The following CAMTA1 variants were observed in gnomAD, a reference collection of about 807,000 sequenced individuals.
CAMTA1 encodes calmodulin binding transcription activator 1.
Under a neutral mutation model 170.9 loss-of-function variants are expected in CAMTA1, and 27 were observed. That is an observed-to-expected ratio of 0.16 (90% CI 0.12 to 0.22). CAMTA1 has a LOEUF of 0.22. Ranked by LOEUF, CAMTA1 falls within the 10% of genes least tolerant of loss-of-function variation. The probability of loss-of-function intolerance (pLI) is 1.00; values close to 1 mark genes in which losing one functional copy is unlikely to be tolerated. For missense variants in CAMTA1, 1,619 were observed against 2,217.2 expected, an observed-to-expected ratio of 0.73 and a Z score of 5.42; for synonymous variants, 833 against 891.5, an observed-to-expected ratio of 0.93 and a Z score of 1.17.
At chr1:7,606,407 T>C (rs2095487155) in intron 6 of CAMTA1, among the ~76,000 whole-genome samples, 1 of 152,214 alleles carries the variant, frequency 6.6e-6, no homozygotes, top group South Asian at 2.1e-4. Flanking sequence ...TCAATTCTCG[T>C]GCTTTTATCT....
intron 3 of CAMTA1, among the ~76,000 whole-genome samples, chr1:6,882,919 TCTTTG>T (rs537904141): frequency 2.0e-5 from 3 of 152,058 alleles, no homozygotes; most frequent in Non-Finnish European, 4.4e-5. Context: ...TGCATGTTTC[TCTTTG>T]CTTTGCTTTG....
At chr1:7,640,244 A>G (rs1174409872) in intron 6 of CAMTA1, among the ~76,000 whole-genome samples, 156 bp from the exon 7 acceptor site, 2 of 152,228 alleles carry the variant, frequency 1.3e-5, no homozygotes, top group African/African-American at 4.8e-5. Context: ...AGCCCCCACC[A>G]CAGAACCATC....
At chr1:6,881,618 C>T (rs1053299035) in intron 3 of CAMTA1, among the ~76,000 whole-genome samples, 3 of 151,860 alleles carry the variant, frequency 2.0e-5, no homozygotes, top group African/African-American at 4.8e-5. Context: ...TTGGTTTTGC[C>T]GAAAGAGAAG....
intron 5 of CAMTA1, among the ~76,000 whole-genome samples, chr1:7,357,288 C>T (rs2149943728): frequency 6.6e-6 from 1 of 152,360 alleles, no homozygotes; most frequent in African/African-American, 2.4e-5. Context: ...GCCAAGAGCC[C>T]AGGACCCAAC....
intron 11 of CAMTA1, among the ~76,000 whole-genome samples, chr1:7,703,249 G>A (rs193268355): frequency 3.9e-5 from 6 of 152,236 alleles, no homozygotes. Flanking sequence ...TAAAGGGGAG[G>A]AGTTGCATAG....
intron 11 of CAMTA1, among the ~76,000 whole-genome samples, chr1:7,690,917 T>C (rs1244586234): frequency 6.6e-6 from 1 of 152,238 alleles, no homozygotes; most frequent in Non-Finnish European, 1.5e-5. Flanking sequence ...CTAGAGCCTG[T>C]CCTTGCTTCC....
rs1181687787 is a variant in CAMTA1, at chr1:7,732,697, C to T, written c.3066+98C>T. The T allele has an allele frequency of 1.2e-5, 18 of 1,446,142 alleles. No individual in the cohort carries two copies. The highest frequency in any genetic ancestry group is 2.5e-5 in the East Asian group (1 of 40,094). The allele number at this position is 1,446,142 out of a possible 1,614,324, so 89.6% of individuals were successfully genotyped here. ...ACAGGCCTCTTCTCTGCTGCTGATG[C>T]GGTCCCTGTATTCAGGCAGAAGGCC... On this transcript the variant is annotated intron_variant, in intron 12 of 22. Transcript: ENST00000303635. The surrounding 1 kb of genome is among the most constrained non-coding windows in gnomAD (Gnocchi z 4.1).
intron 4 of CAMTA1, among the ~76,000 whole-genome samples, chr1:7,242,297 T>C (rs1665000123): frequency 6.6e-6 from 1 of 152,196 alleles, no homozygotes; most frequent in African/African-American, 2.4e-5. Flanking sequence ...CTGGGGAGGA[T>C]GTGGAGAAAT....
chr1:7,195,135 C>T lies in CAMTA1; in HGVS notation c.303-54356C>T, dbSNP rs1013974330. ...ACATAAACCACCAACTAACCCAGCC[C>T]AGCAGCAGGCGAGGTTTTCTGTCGT... On this transcript the variant is annotated intron_variant, in intron 4 of 22. Coordinates refer to ENST00000303635, the MANE Select transcript of CAMTA1 (RefSeq NM_015215.4). This position sits in a 1 kb window ranked among gnomAD's most constrained non-coding sequence, Gnocchi z 4.1. Among the ~76,000 whole-genome samples the T allele has an allele frequency of 2.6e-5, 4 of 152,184 alleles. No individual in the cohort carries two copies. In the East Asian group the frequency reaches 7.7e-4, roughly 29 times the overall value.
chr1:7,709,396 C>T (rs537455400), intron 11 of CAMTA1, among the ~76,000 whole-genome samples: 4 of 152,354 alleles, frequency 2.6e-5, no homozygotes, highest in South Asian at 4.1e-4. Context: ...TGATCCTACT[C>T]CGTGCCTTTG....
At chr1:6,938,339 GT>G (rs920596348) in intron 3 of CAMTA1, among the ~76,000 whole-genome samples, 11 of 152,140 alleles carry the variant, frequency 7.2e-5, no homozygotes, top group African/African-American at 2.7e-4. Context: ...GTTGGCTGGG[GT>G]CAGGGCTGGG....
At chr1:7,296,401 A>C (rs1403564021) in intron 5 of CAMTA1, among the ~76,000 whole-genome samples, 1 of 152,162 alleles carries the variant, frequency 6.6e-6, no homozygotes, top group Non-Finnish European at 1.5e-5. Flanking sequence ...TCTGCCTTTT[A>C]GTTGCACACA....
At chr1:7,483,104 C>T (rs1426471981) in intron 6 of CAMTA1, among the ~76,000 whole-genome samples, 1 of 152,156 alleles carries the variant, frequency 6.6e-6, no homozygotes, top group East Asian at 1.9e-4. Context: ...GCCCCAGCAG[C>T]CCGAGGTCAA....
At chr1:6,818,334 C>T (rs1278455700) in intron 1 of CAMTA1, among the ~76,000 whole-genome samples, 1 of 152,150 alleles carries the variant, frequency 6.6e-6, no homozygotes, top group African/African-American at 2.4e-5. Flanking sequence ...GAGACTCCGT[C>T]TCAAAACAAA....
chr1:7,680,988 G>GC lies in CAMTA1; in HGVS notation c.2914+3257dup, dbSNP rs1313902775. ...GGAGGGCGATCGTCCCCACGTTGGG[G>GC]CCGGGGGGCAGGGACCCGACGTCCC... On this transcript the variant is annotated intron_variant, in intron 11 of 22. Coordinates refer to ENST00000303635, the MANE Select transcript of CAMTA1 (RefSeq NM_015215.4). This position sits in a 1 kb window ranked among gnomAD's most constrained non-coding sequence, Gnocchi z 4.4. Among the ~76,000 whole-genome samples, 1 of 151,938 alleles carries GC rather than the reference G, an allele frequency of 6.6e-6. No individual in the cohort carries two copies. Among genetic ancestry groups the GC allele is most frequent in the Non-Finnish European group, 1.5e-5 (1 of 67,946 alleles).
At chr1:7,457,091 G>C (rs2092975167) in intron 5 of CAMTA1, among the ~76,000 whole-genome samples, 1 of 133,198 alleles carries the variant, frequency 7.5e-6, no homozygotes, top group African/African-American at 2.9e-5. Flanking sequence ...GCGCCAACGT[G>C]CCCCTCACCC....
At chr1:7,647,327 C>T (rs184387295) in intron 7 of CAMTA1, among the ~76,000 whole-genome samples, 1 of 151,834 alleles carries the variant, frequency 6.6e-6, no homozygotes, top group Non-Finnish European at 1.5e-5. Context: ...AGATTGTAAT[C>T]CTGGTGATTA....
intron 16 of CAMTA1, among the ~76,000 whole-genome samples, chr1:7,743,217 A>C (rs539783656): frequency 1.3e-5 from 2 of 152,204 alleles, no homozygotes; most frequent in South Asian, 4.1e-4. Context: ...TTCTTTGATG[A>C]AAATTTATAA....
At chr1:7,106,392 G>A (rs1643593933) in intron 4 of CAMTA1, among the ~76,000 whole-genome samples, 1 of 152,052 alleles carries the variant, frequency 6.6e-6, no homozygotes, top group Non-Finnish European at 1.5e-5. Context: ...GAAAGATCCA[G>A]AGTAAGCCAC....
Sources: allele counts gnomAD v4.1 joint callset (sites outside exome capture counted in the v4.1 genomes callset), GRCh38; gene constraint gnomAD v4.1.1; non-coding constraint Gnocchi (gnomAD v3.1); transcripts MANE v1.5; gene names NCBI Gene and HGNC (gene_info 2026-07-23, HGNC 2026-07-21).